DDX42: variants seen among roughly 807,000 people sequenced by gnomAD.
DDX42 encodes the protein ATP-dependent RNA helicase DDX42.
Under a neutral mutation model 101.5 loss-of-function variants are expected in DDX42, and 22 were observed. That is an observed-to-expected ratio of 0.22 (90% CI 0.15 to 0.31). The LOEUF is 0.31. Ranked by LOEUF, DDX42 falls within the 10% of genes least tolerant of loss-of-function variation. The pLI is 1.00. For synonymous variants in DDX42, 402 were observed against 401.2 expected (o/e 1.00, Z -0.02); for missense variants, 849 against 1,199.9 (o/e 0.71, Z 4.32).
intron 6 of DDX42, among the ~76,000 whole-genome samples, chr17:63,803,774 C>T (rs1290000035): frequency 2.0e-5 from 3 of 151,420 alleles, no homozygotes; most frequent in Non-Finnish European, 4.4e-5. Flanking sequence ...CTCAGCCTCC[C>T]GAGTAGCTGG....
At chr17:63,803,612 C>T (rs2039800989) in intron 6 of DDX42, among the ~76,000 whole-genome samples, 1 of 146,680 alleles carries the variant, frequency 6.8e-6, no homozygotes, top group African/African-American at 2.5e-5. Flanking sequence ...TACTAAAATA[C>T]TGTCCTCTCT....
intron 1 of DDX42, among the ~76,000 whole-genome samples, chr17:63,783,771 A>T (rs1385334189): frequency 6.6e-6 from 1 of 152,138 alleles, no homozygotes; most frequent in Non-Finnish European, 1.5e-5. Flanking sequence ...TTCAAGTTTA[A>T]TACTAAGCAG....
chr17:63,782,506 C>G (rs1016997813), intron 1 of DDX42, among the ~76,000 whole-genome samples: 1 of 152,080 alleles, frequency 6.6e-6, no homozygotes, highest in Non-Finnish European at 1.5e-5. Context: ...TTTAGGTTTC[C>G]ATCTCCATTA....
At chr17:63,790,785 AC>A (rs2144545055) in intron 2 of DDX42, among the ~76,000 whole-genome samples, 1 of 152,042 alleles carries the variant, frequency 6.6e-6, no homozygotes, top group East Asian at 1.9e-4. Context: ...ACAAAAATTA[AC>A]TGGGTGCAGT....
At chr17:63,775,372 T>C (rs1334272377) in intron 1 of DDX42, among the ~76,000 whole-genome samples, 1 of 152,114 alleles carries the variant, frequency 6.6e-6, no homozygotes, top group Non-Finnish European at 1.5e-5. Context: ...ACCCCTGCCT[T>C]TGGGGAACTT....
At chr17:63,782,870 G>A (rs753495350) in intron 1 of DDX42, among the ~76,000 whole-genome samples, 5 of 152,196 alleles carry the variant, frequency 3.3e-5, no homozygotes, top group South Asian at 2.1e-4. Flanking sequence ...ATGGTACGTC[G>A]TTAGCATAGC....
chr17:63,809,448 C>G (rs537500257), intron 10 of DDX42, 112 bp from the exon 11 acceptor site: 1 of 781,488 alleles, frequency 1.3e-6, no homozygotes, highest in East Asian at 2.6e-5. Context: ...GGACCAGTAT[C>G]TATTACAGTC....
chr17:63,798,319 CTT>C (rs1026277922), intron 4 of DDX42: 1 of 403,096 alleles, frequency 2.5e-6, no homozygotes, highest in Non-Finnish European at 4.5e-6. Context: ...AGTATTTGGT[CTT>C]TGACTATAAA....
intron 7 of DDX42, 120 bp downstream of exon 7, chr17:63,805,295 G>T: frequency 8.0e-7 from 1 of 1,253,966 alleles, no homozygotes; most frequent in Non-Finnish European, 1.1e-6. Context: ...AACTGTCTTT[G>T]CCAGAGTAAT....
At chr17:63,800,363 T>C in intron 5 of DDX42, 105 bp from the exon 6 acceptor site, 1 of 1,034,972 alleles carries the variant, frequency 9.7e-7, no homozygotes, top group South Asian at 1.7e-5. Context: ...ACTTGGTAGG[T>C]ATGTTAACTG....
At position 63,774,285 on chromosome 17, in the gene DDX42, G is replaced by A. The variant is rs1209691841; in HGVS notation, c.-108G>A. ...AAGGGGGCGGAGAGGAAGGAGCGCG[G>A]CGGGACCGGGCCGGGACAGCGCGTA... On this transcript the variant is annotated 5_prime_UTR_variant, in exon 1 of 18. Coordinates refer to ENST00000389924, the MANE Select transcript of DDX42 (RefSeq NM_203499.3). 2 of 289,002 alleles carry A rather than the reference G, an allele frequency of 6.9e-6. No homozygotes were observed. Among genetic ancestry groups the A allele is most frequent in the Non-Finnish European group, 1.3e-5 (2 of 157,148 alleles). The allele number at this position is 289,002 out of a possible 1,614,324, so 17.9% of individuals were successfully genotyped here.
chr17:63,785,830 A>G (rs2039541921), intron 1 of DDX42, among the ~76,000 whole-genome samples: 1 of 152,180 alleles, frequency 6.6e-6, no homozygotes, highest in African/African-American at 2.4e-5. Flanking sequence ...TCCTGCAGAC[A>G]TGAATACATA....
chr17:63,806,453 A>G, intron 7 of DDX42, 82 bp from the exon 8 acceptor site: 2 of 1,412,374 alleles, frequency 1.4e-6, no homozygotes, highest in Non-Finnish European at 1.9e-6. Flanking sequence ...CTAAAATGCT[A>G]GATCCAGGTA....
In DDX42 at chr17:63,787,127, G is replaced by A; in HGVS notation, c.78G>A (p.Lys26=). Residue 26 remains lysine, a synonymous_variant, in exon 2 of 18, where the codon AAG becomes AAA. Coordinates refer to ENST00000389924, the MANE Select transcript of DDX42 (RefSeq NM_203499.3). ...FGGFAISAGK[K]EEPKLPQQSH... The stretch of plus-strand genomic sequence containing the variant: ...GTTTTGCCATCAGTGCTGGGAAAAA[G>A]GAGGAACCCAAACTCCCACAGCAGT... The A allele has an allele frequency of 6.2e-7, 1 of 1,614,196 alleles. No homozygotes were observed. The highest frequency in any genetic ancestry group is 8.5e-7 in the Non-Finnish European group (1 of 1,180,036).
At chr17:63,793,634 A>G (rs1227535836) in intron 3 of DDX42, among the ~76,000 whole-genome samples, 2 of 152,128 alleles carry the variant, frequency 1.3e-5, no homozygotes, top group Admixed American at 1.3e-4. Context: ...TTCTCTGAGA[A>G]CACTCTTACA....
intron 2 of DDX42, among the ~76,000 whole-genome samples, chr17:63,789,120 C>T (rs2039587626): frequency 1.3e-5 from 2 of 151,996 alleles, no homozygotes. Context: ...ACTGTCTCAC[C>T]CAGGCTAGAG....
chr17:63,815,000 G>C (rs2039959976), intron 15 of DDX42, among the ~76,000 whole-genome samples: 1 of 152,164 alleles, frequency 6.6e-6, no homozygotes, highest in African/African-American at 2.4e-5. Context: ...TTAAGAGAAT[G>C]TGAGTAAATA....
intron 2 of DDX42, among the ~76,000 whole-genome samples, chr17:63,789,553 GTTTTTGTT>G (rs1567732963): frequency 7.0e-5 from 2 of 28,656 alleles, no homozygotes; most frequent in Non-Finnish European, 1.8e-4. Flanking sequence ...AGACTTTTTT[GTTTTTGTT>G]TTTGTTTTTG....
intron 1 of DDX42, chr17:63,774,590 C>G (rs1268045448): frequency 6.4e-6 from 1 of 156,802 alleles, no homozygotes; most frequent in African/African-American, 2.4e-5. Context: ...CCCACAGCTC[C>G]CGCTTCCCTC....
Sources: allele counts gnomAD v4.1 joint callset (sites outside exome capture counted in the v4.1 genomes callset), GRCh38; gene constraint gnomAD v4.1.1; transcripts MANE v1.5; gene names NCBI Gene and HGNC (gene_info 2026-07-23, HGNC 2026-07-21).